The following SLCO3A1 variants were observed in gnomAD, a reference collection of about 807,000 sequenced individuals.
SLCO3A1 encodes the protein solute carrier organic anion transporter family member 3A1.
SLCO3A1 carries 27 observed loss-of-function variants against 63.1 expected under a neutral mutation model. The observed-to-expected ratio is 0.43, with a 90% CI of 0.32 to 0.59. The LOEUF is 0.59. Among genes scored for constraint, SLCO3A1 ranks in the 20% least tolerant of loss-of-function variants. The pLI is 0.09. For synonymous variants in SLCO3A1, 473 were observed against 409.9 expected (o/e 1.15, Z -1.86); for missense variants, 773 against 945.8 (o/e 0.82, Z 2.40).
chr15:92,078,751 A>C (rs1388407718), intron 2 of SLCO3A1, among the ~76,000 whole-genome samples: 1 of 152,146 alleles, frequency 6.6e-6, no homozygotes, highest in Non-Finnish European at 1.5e-5. Context: ...TCCTTACGTT[A>C]AAATGGGAGT....
chr15:91,936,127 T>C (rs1899405504), intron 2 of SLCO3A1, among the ~76,000 whole-genome samples: 2 of 152,218 alleles, frequency 1.3e-5, no homozygotes, highest in African/African-American at 4.8e-5. Flanking sequence ...ATGATAATAC[T>C]GTGTCTCTTA....
intron 2 of SLCO3A1, among the ~76,000 whole-genome samples, chr15:91,956,656 A>C (rs1412357945): frequency 6.6e-6 from 1 of 151,824 alleles, no homozygotes; most frequent in East Asian, 2.0e-4. Context: ...GGGGAGAAAC[A>C]GCCTAAAACC....
chr15:92,136,228 C>G (rs904008116), intron 7 of SLCO3A1, among the ~76,000 whole-genome samples: 1 of 152,166 alleles, frequency 6.6e-6, no homozygotes, highest in Admixed American at 6.5e-5. Context: ...ATAGAAGGCT[C>G]GTAATACAAA....
intron 1 of SLCO3A1, among the ~76,000 whole-genome samples, chr15:91,866,588 A>G (rs1047140853): frequency 1.5e-4 from 22 of 150,830 alleles, no homozygotes; most frequent in African/African-American, 4.9e-4. Context: ...AAAAAAAAAA[A>G]AAAGAAAAAA....
chr15:91,963,856 C>T (rs533676722), intron 2 of SLCO3A1, among the ~76,000 whole-genome samples: 3 of 152,074 alleles, frequency 2.0e-5, no homozygotes, highest in Non-Finnish European at 2.9e-5. Flanking sequence ...AAAGCTTCCA[C>T]GGCGTGGAAG....
intron 2 of SLCO3A1, among the ~76,000 whole-genome samples, chr15:92,000,405 A>T (rs1041621465): frequency 2.1e-4 from 28 of 135,684 alleles, no homozygotes; most frequent in Admixed American, 2.8e-4. Flanking sequence ...TTTTTTTTTA[A>T]AAAAAAAAAA....
At chr15:92,103,631 G>A (rs2047632028) in intron 3 of SLCO3A1, among the ~76,000 whole-genome samples, 1 of 152,044 alleles carries the variant, frequency 6.6e-6, no homozygotes, top group Non-Finnish European at 1.5e-5. Context: ...AGCATTTTAT[G>A]TCTGGTGTGG....
intron 2 of SLCO3A1, among the ~76,000 whole-genome samples, chr15:91,928,469 G>A (rs1196157475): frequency 2.6e-5 from 4 of 152,106 alleles, no homozygotes; most frequent in African/African-American, 4.8e-5. Context: ...GTTATCCCAA[G>A]GGCCTTATCT....
At chr15:91,955,391 G>A (rs968441245) in intron 2 of SLCO3A1, among the ~76,000 whole-genome samples, 4 of 151,084 alleles carry the variant, frequency 2.6e-5, no homozygotes, top group African/African-American at 9.7e-5. Flanking sequence ...AGAGTGCAAT[G>A]GCGTGGTTTC....
intron 2 of SLCO3A1, among the ~76,000 whole-genome samples, chr15:92,082,181 G>A (rs1002669983): frequency 5.9e-5 from 9 of 152,204 alleles, no homozygotes; most frequent in Admixed American, 2.6e-4. Context: ...TTGGCAGCAG[G>A]CACCAGATAA....
At chr15:91,914,963 G>C (rs1898606065) in intron 1 of SLCO3A1, among the ~76,000 whole-genome samples, 1 of 152,110 alleles carries the variant, frequency 6.6e-6, no homozygotes, top group Non-Finnish European at 1.5e-5. Context: ...TACTCAGCGA[G>C]GACATCATTC....
At chr15:92,068,898 GC>G (rs2047182377) in intron 2 of SLCO3A1, among the ~76,000 whole-genome samples, 1 of 152,084 alleles carries the variant, frequency 6.6e-6, no homozygotes, top group Non-Finnish European at 1.5e-5. Context: ...TGCCTCATTC[GC>G]CCCACCTGTA....
At chr15:92,063,524 ACTC>A (rs2047111109) in intron 2 of SLCO3A1, among the ~76,000 whole-genome samples, 1 of 152,030 alleles carries the variant, frequency 6.6e-6, no homozygotes, top group African/African-American at 2.4e-5. Flanking sequence ...AATTAGTTAA[ACTC>A]CACCTGCAGT....
At chr15:92,061,873 G>C (rs1031191171) in intron 2 of SLCO3A1, among the ~76,000 whole-genome samples, 1 of 152,244 alleles carries the variant, frequency 6.6e-6, no homozygotes, top group African/African-American at 2.4e-5. Flanking sequence ...GGAGCCACAA[G>C]GGTTTAGCTA....
intron 2 of SLCO3A1, among the ~76,000 whole-genome samples, chr15:92,061,850 G>A (rs1455254570): frequency 2.0e-5 from 3 of 152,206 alleles, no homozygotes; most frequent in African/African-American, 7.2e-5. Flanking sequence ...CTTACACAAG[G>A]GCCTCCCCTT....
intron 2 of SLCO3A1, among the ~76,000 whole-genome samples, chr15:91,988,672 T>A (rs748379817): frequency 2.0e-5 from 3 of 151,810 alleles, no homozygotes; most frequent in Non-Finnish European, 4.4e-5. Context: ...GCTTATAGTT[T>A]GTAATAACTC....
chr15:92,055,072 T>C (rs1345787496), intron 2 of SLCO3A1, among the ~76,000 whole-genome samples: 1 of 152,210 alleles, frequency 6.6e-6, no homozygotes, highest in Non-Finnish European at 1.5e-5. Flanking sequence ...CCACCAACAG[T>C]GTAAAAGCAT....
At chr15:92,106,595 C>G (rs2047670559) in intron 4 of SLCO3A1, among the ~76,000 whole-genome samples, 1 of 152,146 alleles carries the variant, frequency 6.6e-6, no homozygotes, top group African/African-American at 2.4e-5. Flanking sequence ...CCCTGTTTCC[C>G]TAGGGCTCTG....
intron 1 of SLCO3A1, among the ~76,000 whole-genome samples, chr15:91,876,887 T>C (rs1253932017): frequency 2.6e-5 from 4 of 152,260 alleles, no homozygotes; most frequent in Non-Finnish European, 4.4e-5. Context: ...GTATTCACAT[T>C]GCCTGCCCAC....
Sources: allele counts gnomAD v4.1 joint callset (sites outside exome capture counted in the v4.1 genomes callset), GRCh38; gene constraint gnomAD v4.1.1; transcripts MANE v1.5; gene names NCBI Gene and HGNC (gene_info 2026-07-23, HGNC 2026-07-21).